Variants in ACVR1 observed in about 807,000 individuals in gnomAD.
ACVR1 encodes the protein activin receptor type-1.
ACVR1 carries 38 observed loss-of-function variants against 57.1 expected under a neutral mutation model. That is an observed-to-expected ratio of 0.67 (90% CI 0.51 to 0.87). The LOEUF (loss-of-function observed/expected upper bound fraction) is 0.87. Ranked by LOEUF, ACVR1 falls within the 40% of genes least tolerant of loss-of-function variation. The pLI is 0.00. For synonymous variants in ACVR1, 212 were observed against 228.1 expected (o/e 0.93, Z 0.63); for missense variants, 463 against 638.2 (o/e 0.73, Z 2.96).
chr2:157,774,217 C>T lies in ACVR1; in HGVS notation c.544-30G>A, dbSNP rs113952557. ...GGTTTAAGACAAGGGGGAAAAGAAA[C>T]GATTGAGCAATATAGCTCCCACTTT... is the stretch of plus-strand genomic sequence containing the variant. On this transcript the variant is annotated intron_variant, in intron 5 of 10. Transcript: ENST00000434821. 4,413 of 1,575,472 alleles carry T rather than the reference C, an allele frequency of 2.8e-3. 18 individuals are homozygous for T. Among genetic ancestry groups the T allele is most frequent in the Non-Finnish European group, 3.6e-3 (4,089 of 1,145,164 alleles).
chr2:157,824,371 G>A (rs1688263243), intron 1 of ACVR1, among the ~76,000 whole-genome samples: 1 of 152,198 alleles, frequency 6.6e-6, no homozygotes, highest in Admixed American at 6.5e-5. Context: ...AGGAGGCTGA[G>A]ATGGGGGGAC....
chr2:157,796,920 T>C (rs1039586521), intron 3 of ACVR1, among the ~76,000 whole-genome samples: 1 of 152,178 alleles, frequency 6.6e-6, no homozygotes, highest in Non-Finnish European at 1.5e-5. Context: ...ACAACTGCCA[T>C]ATTATGGGAA....
At chr2:157,781,527 G>C (rs1686525079) in intron 3 of ACVR1, among the ~76,000 whole-genome samples, 1 of 152,088 alleles carries the variant, frequency 6.6e-6, no homozygotes, top group South Asian at 2.1e-4. Flanking sequence ...TGGCTGGCAG[G>C]AAAAAAATGG....
chr2:157,840,631 C>T (rs1214387796), intron 1 of ACVR1, among the ~76,000 whole-genome samples: 2 of 152,210 alleles, frequency 1.3e-5, no homozygotes, highest in Non-Finnish European at 2.9e-5. Flanking sequence ...CTTAACCTGA[C>T]ATGGCACATG....
chr2:157,838,577 A>G (rs1176103236), intron 1 of ACVR1, among the ~76,000 whole-genome samples: 1 of 152,168 alleles, frequency 6.6e-6, no homozygotes, highest in African/African-American at 2.4e-5. Context: ...AACCCAGAAA[A>G]TATGTCCTTC....
intron 3 of ACVR1, among the ~76,000 whole-genome samples, chr2:157,796,389 T>C (rs1275959709): frequency 2.0e-5 from 3 of 151,368 alleles, no homozygotes; most frequent in East Asian, 3.9e-4. Flanking sequence ...CTGTCTCTAC[T>C]AAAAATGCAA....
chr2:157,769,934 A>C (rs1176627674), intron 7 of ACVR1, among the ~76,000 whole-genome samples: 1 of 152,206 alleles, frequency 6.6e-6, no homozygotes, highest in Non-Finnish European at 1.5e-5. Flanking sequence ...AATGATGCCT[A>C]GTTTGAGGGA....
At chr2:157,759,528 T>G (rs1352693984) in intron 9 of ACVR1, among the ~76,000 whole-genome samples, 3 of 152,066 alleles carry the variant, frequency 2.0e-5, no homozygotes, top group Non-Finnish European at 4.4e-5. Context: ...CAAACTTAAA[T>G]AGAACTTCTT....
intron 1 of ACVR1, among the ~76,000 whole-genome samples, chr2:157,830,157 T>G (rs1688533120): frequency 6.6e-6 from 1 of 152,058 alleles, no homozygotes; most frequent in Non-Finnish European, 1.5e-5. Flanking sequence ...AGGCGGAGGT[T>G]TCAGTGAGCC....
chr2:157,806,174 A>G (rs936531594), intron 2 of ACVR1, among the ~76,000 whole-genome samples: 2 of 152,198 alleles, frequency 1.3e-5, no homozygotes, highest in African/African-American at 4.8e-5. Context: ...ACTTCAACTG[A>G]AAATCTTTAT....
intron 8 of ACVR1, among the ~76,000 whole-genome samples, chr2:157,764,072 C>T (rs1000012035): frequency 6.6e-6 from 1 of 152,188 alleles, no homozygotes; most frequent in Non-Finnish European, 1.5e-5. Context: ...ATAACAGAAG[C>T]TACAACTTGA....
chr2:157,844,077 G>C (rs1265889053), intron 1 of ACVR1, among the ~76,000 whole-genome samples: 1 of 152,214 alleles, frequency 6.6e-6, no homozygotes, highest in Admixed American at 6.5e-5. Context: ...GGCAGGCAAA[G>C]GAGGCCCTGT....
chr2:157,875,947 G>C lies in ACVR1; in HGVS notation c.-334C>G, dbSNP rs1345748407. On this transcript the variant is annotated 5_prime_UTR_variant, in exon 1 of 11. Transcript: ENST00000434821. ...CGGAACTCTGCGGGGCCGGGAGCCG[G>C]GGGCCGAGGGCCGGCCCAGAGCGGC... 3 of 149,096 alleles carry C rather than the reference G, an allele frequency of 2.0e-5. No homozygotes were observed. The highest frequency in any genetic ancestry group is 7.3e-5 in the African/African-American group (3 of 40,916). The allele number at this position is 149,096 out of a possible 1,614,324, so 9.2% of individuals were successfully genotyped here.
chr2:157,813,643 A>G (rs1427470171), intron 2 of ACVR1, among the ~76,000 whole-genome samples: 1 of 152,212 alleles, frequency 6.6e-6, no homozygotes, highest in African/African-American at 2.4e-5. Flanking sequence ...AGCAACAATT[A>G]CTAGAACCAC....
At chr2:157,854,277 G>C (rs1280917597) in intron 1 of ACVR1, among the ~76,000 whole-genome samples, 1 of 150,202 alleles carries the variant, frequency 6.7e-6, no homozygotes, top group Non-Finnish European at 1.5e-5. Context: ...TTTCTAGCTA[G>C]TTATCTCTCT....
chr2:157,807,833 T>C (rs551616343), intron 2 of ACVR1, among the ~76,000 whole-genome samples: 2 of 110,608 alleles, frequency 1.8e-5, no homozygotes, highest in East Asian at 6.1e-4. Context: ...CTCAGGCTAA[T>C]GTGATTAATC....
Position 157,780,369 on chromosome 2 carries a change from T to C in ACVR1, c.299A>G (p.Asn100Ser), listed in dbSNP as rs747439148. The C allele has an allele frequency of 6.2e-7, 1 of 1,614,196 alleles. No homozygotes were observed. Among genetic ancestry groups the C allele is most frequent in the South Asian group, 1.1e-5 (1 of 91,080 alleles). The change falls in exon 4 of 11, where the codon AAC becomes AGC. Residue 100 changes from asparagine to serine, a missense_variant. Coordinates refer to ENST00000434821, the MANE Select transcript of ACVR1 (RefSeq NM_001111067.4). The stretch of plus-strand genomic sequence containing the variant: ...GGGCAGCTGGGCCGTGATGTTCCTG[T>C]TACACCAGTCCCCTTGGCAGCACTC... ...AVECCQGDWC[N>S]RNITAQLPTK...
chr2:157,810,912 T>C (rs868346736), intron 2 of ACVR1, among the ~76,000 whole-genome samples: 8 of 152,230 alleles, frequency 5.3e-5, no homozygotes, highest in Non-Finnish European at 1.2e-4. Context: ...TACGTCGTTT[T>C]AGTCTTACCT....
At chr2:157,831,893 A>G (rs1215751858) in intron 1 of ACVR1, among the ~76,000 whole-genome samples, 1 of 152,232 alleles carries the variant, frequency 6.6e-6, no homozygotes, top group Non-Finnish European at 1.5e-5. Context: ...ACTAAAAACC[A>G]CTGAATAGTA....
Sources: allele counts gnomAD v4.1 joint callset (sites outside exome capture counted in the v4.1 genomes callset), GRCh38; gene constraint gnomAD v4.1.1; transcripts MANE v1.5; gene names NCBI Gene and HGNC (gene_info 2026-07-23, HGNC 2026-07-21).